Variants in CDH23 observed in about 807,000 individuals in gnomAD.
The protein encoded by CDH23 is cadherin related 23.
Under a neutral mutation model 317.1 loss-of-function variants are expected in CDH23, and 189 were observed. The observed-to-expected ratio is 0.60, with a 90% CI of 0.53 to 0.67. The LOEUF (loss-of-function observed/expected upper bound fraction) is 0.67. Ranked by LOEUF, CDH23 falls within the 30% of genes least tolerant of loss-of-function variation. CDH23 has a pLI of 0.00. For missense variants in CDH23, 4,401 were observed against 4,592.4 expected, an observed-to-expected ratio of 0.96 and a Z score of 1.20; for synonymous variants, 1,839 against 1,876.8, an observed-to-expected ratio of 0.98 and a Z score of 0.52.
chr10:71,549,615 C>A (rs939966389), intron 6 of CDH23, among the ~76,000 whole-genome samples: 1 of 152,230 alleles, frequency 6.6e-6, no homozygotes, highest in African/African-American at 2.4e-5. Flanking sequence ...TCCCGAGGCT[C>A]AGTCTGGGAA....
At chr10:71,628,559 C>T (rs368437824) in intron 11 of CDH23, among the ~76,000 whole-genome samples, 7 of 152,138 alleles carry the variant, frequency 4.6e-5, no homozygotes, top group African/African-American at 9.6e-5. Flanking sequence ...AGTGCAGTGG[C>T]GCAATCTTGG....
chr10:71,621,512 T>C (rs748475943), intron 11 of CDH23, among the ~76,000 whole-genome samples: 28 of 152,202 alleles, frequency 1.8e-4, no homozygotes, highest in Non-Finnish European at 3.2e-4. Flanking sequence ...GAAATGAGCA[T>C]TGGTTGAGTT....
intron 12 of CDH23, 166 bp from the exon 13 acceptor site, chr10:71,645,665 T>A: frequency 1.2e-6 from 1 of 814,438 alleles, no homozygotes; most frequent in Non-Finnish European, 2.2e-6. Context: ...GGTCATGGAG[T>A]CTTGGAGCTG....
At position 71,734,281 on chromosome 10, in the gene CDH23, C is replaced by A; in HGVS notation, c.4146C>A (p.Gly1382=). ...TVQGLVDREK[G]DFYTLTVVAD... is the part of the protein sequence containing the mutation. ...AGGGCCTGGTGGACCGTGAGAAGGG[C>A]GACTTCTATACCTTGACAGTGGTGG... The change falls in exon 33 of 70, where the codon GGC becomes GGA. Residue 1382 remains glycine (G), a synonymous_variant. Coordinates refer to ENST00000224721, the MANE Select transcript of CDH23 (RefSeq NM_022124.6). 1 of 1,612,480 alleles carries A rather than the reference C, an allele frequency of 6.2e-7. No individual in the cohort carries two copies. Among genetic ancestry groups the A allele is most frequent in the African/African-American group, 1.3e-5 (1 of 75,042 alleles).
intron 28 of CDH23, chr10:71,716,320 G>A (rs765286636): frequency 4.7e-6 from 7 of 1,494,558 alleles, no homozygotes; most frequent in Middle Eastern, 2.0e-4. Context: ...TGGCGAGGCT[G>A]GGGCCCTCTG....
chr10:71,588,924 C>T (rs777966297), intron 9 of CDH23, among the ~76,000 whole-genome samples: 1 of 152,200 alleles, frequency 6.6e-6, no homozygotes, highest in Non-Finnish European at 1.5e-5. Flanking sequence ...CTGCTCATCC[C>T]CCTGCTGCAG....
chr10:71,573,297 CT>C (rs372813257), intron 8 of CDH23, among the ~76,000 whole-genome samples: 3 of 152,132 alleles, frequency 2.0e-5, no homozygotes, highest in Admixed American at 6.5e-5. Flanking sequence ...CCTGAGACCC[CT>C]AGGTTGTCTT....
Position 71,751,748 on chromosome 10 carries a change from T to A in CDH23, c.4845+9827T>A. 6.2e-7 allele frequency: 1 copy of A among 1,601,440 alleles called. No homozygotes were observed. Among genetic ancestry groups the A allele is most frequent in the Non-Finnish European group, 8.5e-7 (1 of 1,173,638 alleles). On this transcript the variant is annotated intron_variant, in intron 38 of 69. Transcript: ENST00000224721. This position sits in a 1 kb window ranked among gnomAD's most constrained non-coding sequence, Gnocchi z 4.9. ...CTCCGAAAGCAGATGCCGCCCAGAC[T>A]CAGAAGGCTGCCGCTGGGCCACATA... is the stretch of plus-strand genomic sequence containing the variant.
intron 14 of CDH23, among the ~76,000 whole-genome samples, chr10:71,671,344 C>T (rs138549414): frequency 9.4e-4 from 143 of 152,298 alleles, no homozygotes; most frequent in Middle Eastern, 3.4e-3. Context: ...CACCATCTGG[C>T]TGGCCTGTGA....
chr10:71,488,679 C>A (rs543554519), intron 3 of CDH23, among the ~76,000 whole-genome samples: 1 of 152,226 alleles, frequency 6.6e-6, no homozygotes, highest in Non-Finnish European at 1.5e-5. Flanking sequence ...TCAGTGGGAA[C>A]TGAGAAAGCT....
At chr10:71,640,958 A>C (rs1273511121) in intron 11 of CDH23, among the ~76,000 whole-genome samples, 1 of 152,140 alleles carries the variant, frequency 6.6e-6, no homozygotes, top group African/African-American at 2.4e-5. Flanking sequence ...GGAATGAATA[A>C]CTGGAGAGCT....
intron 3 of CDH23, among the ~76,000 whole-genome samples, chr10:71,487,978 C>A (rs1240905623): frequency 6.6e-6 from 1 of 152,272 alleles, no homozygotes; most frequent in Non-Finnish European, 1.5e-5. Context: ...CGTACACCAT[C>A]ATTGCATACA....
At chr10:71,747,315 G>A (rs896978178) in intron 38 of CDH23, among the ~76,000 whole-genome samples, 1 of 152,222 alleles carries the variant, frequency 6.6e-6, no homozygotes, top group African/African-American at 2.4e-5. Flanking sequence ...AGCTGATATG[G>A]AAGGAGCCTA....
intron 19 of CDH23, among the ~76,000 whole-genome samples, chr10:71,688,694 G>C (rs1252577447): frequency 7.9e-6 from 1 of 127,014 alleles, no homozygotes; most frequent in Admixed American, 7.7e-5. Flanking sequence ...AGCCAACGGT[G>C]GTGGAGCCAG....
chr10:71,562,783 A>C (rs1294131880), intron 6 of CDH23, among the ~76,000 whole-genome samples: 2 of 152,170 alleles, frequency 1.3e-5, no homozygotes, highest in East Asian at 3.9e-4. Context: ...TTTCTCCTGC[A>C]CTGTGCTCTG....
chr10:71,506,741 A>G (rs116366018), intron 3 of CDH23, among the ~76,000 whole-genome samples: 2,505 of 152,256 alleles, frequency 0.016, 58 homozygotes, highest in African/African-American at 0.053. Flanking sequence ...GGAAAATTGC[A>G]GGGCGTCTTG....
intron 2 of CDH23, among the ~76,000 whole-genome samples, chr10:71,441,999 T>C (rs1335173936): frequency 6.6e-6 from 1 of 152,240 alleles, no homozygotes; most frequent in African/African-American, 2.4e-5. Flanking sequence ...AATAGGACTT[T>C]CCTTCTCAGG....
intron 1 of CDH23, among the ~76,000 whole-genome samples, chr10:71,406,669 A>T (rs905234749): frequency 2.7e-5 from 4 of 146,604 alleles, no homozygotes; most frequent in African/African-American, 7.5e-5. Flanking sequence ...CATCGAGATT[A>T]AAAAAAAATC....
rs951623307 is a variant in CDH23 at position 71,646,058 on chromosome 10, C to G, written c.1290+78C>G. 4.0e-6 allele frequency: 6 copies of G among 1,517,714 alleles called. No homozygotes were observed. The Admixed American group carries it at 1.1e-4, about 27-fold the overall frequency. 94.0% of individuals were successfully genotyped at this position (1,517,714 alleles called of 1,614,324 possible). ...GGAGGCGAGGGTAGGGTAGAAGATTCCCTTAGATCCCACCTTCCACTGCTG... is the reference window on the plus strand; with the variant it reads ...GGAGGCGAGGGTAGGGTAGAAGATTGCCTTAGATCCCACCTTCCACTGCTG... On this transcript the variant is annotated intron_variant, in intron 13 of 69. Coordinates refer to ENST00000224721, the MANE Select transcript of CDH23 (RefSeq NM_022124.6).
Sources: gnomAD v4.1 joint callset for allele counts (sites outside exome capture counted in the v4.1 genomes callset) on GRCh38, gnomAD v4.1.1 for gene constraint, Gnocchi (gnomAD v3.1) non-coding constraint, MANE v1.5 for transcripts, NCBI Gene and HGNC (gene_info 2026-07-23, HGNC 2026-07-21) for gene names.